Variants in KIAA1217 observed in about 807,000 individuals in gnomAD.
KIAA1217 encodes sickle tail protein homolog.
In KIAA1217, 88 loss-of-function variants were observed where a neutral mutation model predicts 163.9. The ratio of observed to expected loss-of-function variants is 0.54; its 90% CI spans 0.45 to 0.64. KIAA1217 has a LOEUF of 0.64. Ranked by LOEUF, KIAA1217 falls within the 30% of genes least tolerant of loss-of-function variation. The probability of loss-of-function intolerance (pLI) is 0.00; values close to 1 mark genes in which losing one functional copy is unlikely to be tolerated. For missense variants in KIAA1217, 2,372 were observed against 2,475.0 expected, an observed-to-expected ratio of 0.96 and a Z score of 0.88; for synonymous variants, 903 against 923.1, an observed-to-expected ratio of 0.98 and a Z score of 0.39.
intron 1 of KIAA1217, among the ~76,000 whole-genome samples, chr10:23,858,871 T>G (rs1839828749): frequency 6.6e-6 from 1 of 152,208 alleles, no homozygotes; most frequent in African/African-American, 2.4e-5. Flanking sequence ...ATTCTATTGC[T>G]CTTCCAGTCT....
chr10:23,710,195 G>A (rs564354785), intron 1 of KIAA1217, among the ~76,000 whole-genome samples: 145 of 152,254 alleles, frequency 9.5e-4, no homozygotes, highest in Non-Finnish European at 1.5e-3. Context: ...CTTTTTCTAG[G>A]CCGAGGAGTC....
intron 2 of KIAA1217, among the ~76,000 whole-genome samples, chr10:24,036,742 T>C (rs146236088): frequency 6.6e-6 from 1 of 152,160 alleles, no homozygotes; most frequent in African/African-American, 2.4e-5. Context: ...AGTGAACTAA[T>C]AGAGTGAGAA....
intron 3 of KIAA1217, among the ~76,000 whole-genome samples, chr10:24,386,032 C>G (rs560219786): frequency 6.6e-6 from 1 of 152,252 alleles, no homozygotes; most frequent in East Asian, 1.9e-4. Context: ...TGTGAGCCCT[C>G]AGGAATTTGA....
intron 2 of KIAA1217, among the ~76,000 whole-genome samples, chr10:24,331,005 A>G (rs1452280004): frequency 6.6e-6 from 1 of 151,488 alleles, no homozygotes; most frequent in Non-Finnish European, 1.5e-5. Context: ...GTGCATTGGC[A>G]TGATCACAGC....
rs554966885 is a variant in KIAA1217 at position 24,094,927 on chromosome 10, C to G, written c.-171+87553C>G. 9.8e-5 allele frequency among the ~76,000 whole-genome samples: 15 copies of G among 152,296 alleles called. No homozygotes were observed. In the East Asian group the frequency reaches 2.7e-3, roughly 27 times the overall value. ...CGGCTGCTTTGTTTACCTAAGCAAGCCTAGGCAATGGTGGGCGCCCCTCCC... is the reference window on the plus strand; with the variant it reads ...CGGCTGCTTTGTTTACCTAAGCAAGGCTAGGCAATGGTGGGCGCCCCTCCC... On this transcript the variant is annotated intron_variant, in intron 2 of 18. Coordinates refer to the KIAA1217 transcript ENST00000376462.
chr10:24,355,160 T>A (rs989994050), intron 2 of KIAA1217, among the ~76,000 whole-genome samples: 16 of 152,072 alleles, frequency 1.1e-4, no homozygotes, highest in Admixed American at 3.3e-4. Context: ...CTGAACTCAG[T>A]CCCTGGAGCT....
At chr10:23,917,766 A>G (rs1029128571) in intron 1 of KIAA1217, among the ~76,000 whole-genome samples, 4 of 152,144 alleles carry the variant, frequency 2.6e-5, no homozygotes, top group South Asian at 4.1e-4. Context: ...AGCACATCCT[A>G]TGTGCTAAGT....
intron 2 of KIAA1217, among the ~76,000 whole-genome samples, chr10:24,027,324 T>C (rs1452202510): frequency 2.0e-5 from 3 of 152,130 alleles, no homozygotes; most frequent in Non-Finnish European, 4.4e-5. Flanking sequence ...TGTATTCTCT[T>C]AGCAATCACT....
chr10:24,195,446 GC>G (rs2066940474), intron 2 of KIAA1217, among the ~76,000 whole-genome samples: 1 of 152,154 alleles, frequency 6.6e-6, no homozygotes, highest in African/African-American at 2.4e-5. Context: ...AGAAAACAGG[GC>G]TTTTGTGGAC....
intron 2 of KIAA1217, among the ~76,000 whole-genome samples, chr10:24,028,768 A>C (rs919049923): frequency 6.6e-6 from 1 of 152,126 alleles, no homozygotes; most frequent in Non-Finnish European, 1.5e-5. Flanking sequence ...TTTATTTCAA[A>C]ATCATCTGAG....
At chr10:24,037,207 T>C (rs1848430315) in intron 2 of KIAA1217, among the ~76,000 whole-genome samples, 1 of 152,170 alleles carries the variant, frequency 6.6e-6, no homozygotes. Context: ...GGCTCACGCC[T>C]ATAATCCCAG....
intron 2 of KIAA1217, among the ~76,000 whole-genome samples, chr10:24,166,730 A>G (rs757506949): frequency 6.6e-6 from 1 of 152,158 alleles, no homozygotes; most frequent in Non-Finnish European, 1.5e-5. Context: ...GTCTCAAATT[A>G]AAAAATTAAA....
chr10:24,091,796 A>G (rs1405164062), intron 2 of KIAA1217, among the ~76,000 whole-genome samples: 1 of 151,578 alleles, frequency 6.6e-6, no homozygotes, highest in African/African-American at 2.4e-5. Flanking sequence ...CACCCCCAAA[A>G]CCCCAAACAT....
intron 1 of KIAA1217, among the ~76,000 whole-genome samples, chr10:23,987,846 A>G (rs1026503820): frequency 2.0e-5 from 3 of 152,134 alleles, no homozygotes; most frequent in African/African-American, 7.2e-5. Context: ...AACACTTTTA[A>G]CTGTTCACAA....
chr10:23,980,769 G>T (rs1006427083), intron 1 of KIAA1217, among the ~76,000 whole-genome samples: 5 of 152,096 alleles, frequency 3.3e-5, no homozygotes, highest in Non-Finnish European at 7.4e-5. Flanking sequence ...TATGACTTGG[G>T]TCACAATTCC....
At chr10:24,373,304 G>C (rs1274976559) in intron 2 of KIAA1217, among the ~76,000 whole-genome samples, 2 of 152,072 alleles carry the variant, frequency 1.3e-5, no homozygotes, top group African/African-American at 4.8e-5. Flanking sequence ...CCCTCTTCTT[G>C]GCTCTGGGAA....
upstream of KIAA1217, among the ~76,000 whole-genome samples, chr10:24,204,192 G>A (rs775342528): frequency 1.3e-5 from 2 of 152,124 alleles, no homozygotes; most frequent in Non-Finnish European, 2.9e-5. Context: ...GGTGGGTGGC[G>A]AGGGGCTCCT....
intron 1 of KIAA1217, among the ~76,000 whole-genome samples, chr10:23,955,117 T>C (rs1229074414): frequency 2.6e-5 from 4 of 152,196 alleles, no homozygotes; most frequent in African/African-American, 4.8e-5. Flanking sequence ...AACCACCTGA[T>C]TGAAGCAGGC....
At chr10:24,025,894 T>A (rs75924807) in intron 2 of KIAA1217, among the ~76,000 whole-genome samples, 1,751 of 151,928 alleles carry the variant, frequency 0.012, 31 homozygotes, top group African/African-American at 0.04. Context: ...CTGCTCCTAG[T>A]AGCTTTATGG....
Sources: gnomAD v4.1 joint callset for allele counts (sites outside exome capture counted in the v4.1 genomes callset) on GRCh38, gnomAD v4.1.1 for gene constraint, MANE v1.5 for transcripts, NCBI Gene and HGNC (gene_info 2026-07-23, HGNC 2026-07-21) for gene names.